Variants in KIF27 observed in about 807,000 individuals in gnomAD.
The protein encoded by KIF27 is kinesin family member 27, also known as kinesin-like protein KIF27.
Under a neutral mutation model 141.8 loss-of-function variants are expected in KIF27, and 84 were observed. The ratio of observed to expected loss-of-function variants is 0.59; its 90% confidence interval spans 0.50 to 0.71. The LOEUF (loss-of-function observed/expected upper bound fraction) is 0.71. KIF27 is among the 30% of genes least tolerant of loss of function. KIF27 has a pLI of 0.00. For synonymous variants in KIF27, 471 were observed against 569.5 expected, an observed-to-expected ratio of 0.83 and a Z score of 2.46; for missense variants, 1,306 against 1,628.4, an observed-to-expected ratio of 0.80 and a Z score of 3.41.
intron 5 of KIF27, among the ~76,000 whole-genome samples, chr9:83,897,652 C>T (rs368970515): frequency 2.6e-5 from 4 of 151,958 alleles, no homozygotes; most frequent in Admixed American, 6.6e-5. Context: ...ATCAAAGATA[C>T]CACTGAGAGT....
At chr9:83,857,774 C>T (rs566580541) in intron 14 of KIF27, among the ~76,000 whole-genome samples, 23 of 152,104 alleles carry the variant, frequency 1.5e-4, no homozygotes, top group Non-Finnish European at 2.8e-4. Context: ...TTCTGATCTA[C>T]TGAGGCTGCC....
intron 1 of KIF27, among the ~76,000 whole-genome samples, chr9:83,919,476 G>C (rs918872919): frequency 2.0e-5 from 3 of 152,150 alleles, no homozygotes; most frequent in Non-Finnish European, 4.4e-5. Flanking sequence ...GGTGAGGTTA[G>C]GTTCTTTGGA....
intron 11 of KIF27, among the ~76,000 whole-genome samples, chr9:83,872,341 G>A (rs955573789): frequency 5.3e-5 from 8 of 151,930 alleles, no homozygotes; most frequent in Non-Finnish European, 1.2e-4. Flanking sequence ...AACAAAAGGC[G>A]CAATGTTCAT....
intron 13 of KIF27, among the ~76,000 whole-genome samples, chr9:83,865,182 C>T (rs1425116122): frequency 6.6e-6 from 1 of 152,126 alleles, no homozygotes; most frequent in Non-Finnish European, 1.5e-5. Flanking sequence ...TTCTGGAATT[C>T]CCATTACTTG....
chr9:83,848,882 C>G (rs1347317045), intron 16 of KIF27: 1 of 151,976 alleles, frequency 6.6e-6, no homozygotes, highest in South Asian at 2.1e-4. Context: ...GGTGTGACCA[C>G]AGCCACTGCA....
At chr9:83,869,315 C>G (rs1950590332) in intron 12 of KIF27, among the ~76,000 whole-genome samples, 2 of 151,910 alleles carry the variant, frequency 1.3e-5, no homozygotes, top group African/African-American at 2.4e-5. Flanking sequence ...TTTCTTTGAA[C>G]TTCAAAATTA....
Position 83,853,789 on chromosome 9 carries a change from T to C in KIF27, c.3197A>G (p.Glu1066Gly), listed in dbSNP as rs1948874034. 6.2e-7 allele frequency: 1 copy of C among 1,613,536 alleles called. No homozygotes were observed. The highest frequency in any genetic ancestry group is 1.3e-5 in the African/African-American group (1 of 74,900). ...FQLEEGIEAL[E>G]AAIEYRNESI... is the part of the protein sequence containing the mutation. ...TTCATTCCTGTATTCAATTGCAGCT[T>C]CCAAAGCTTCAATCCCTTCTTCAAG... is the stretch of plus-strand genomic sequence containing the variant. The change falls in exon 15 of 18, where the codon GAA (glutamate) becomes GGA (glycine). Residue 1066 changes from glutamate (E) to glycine (G), a missense_variant. This residue lies in a region of KIF27 where 596 missense variants were observed against 751.6 expected (regional missense o/e 0.79). Transcript: ENST00000297814.
At chr9:83,879,746 A>G (rs1191960252) in intron 11 of KIF27, among the ~76,000 whole-genome samples, 12 of 152,198 alleles carry the variant, frequency 7.9e-5, no homozygotes, top group Admixed American at 7.9e-4. Context: ...TAAATCTCTC[A>G]GCCAGCAACT....
Position 83,853,752 on chromosome 9 carries a change from A to G in KIF27, c.3234T>C (p.Asn1078=). 6.2e-7 allele frequency: 1 copy of G among 1,613,822 alleles called. No homozygotes were observed. Among genetic ancestry groups the G allele is most frequent in the Non-Finnish European group, 8.5e-7 (1 of 1,179,742 alleles). Residue 1078 remains asparagine (N), a synonymous_variant, in exon 15 of 18, where the codon AAT becomes AAC. Transcript: ENST00000297814. ...AIEYRNESIQ[N]RQKSLRASFH... Reference sequence around the variant, plus strand: ...ATGATGCTCTAAGTGACTTCTGGCGATTCTGGATACTTTCATTCCTGTATT... The same window carrying G: ...ATGATGCTCTAAGTGACTTCTGGCGGTTCTGGATACTTTCATTCCTGTATT...
chr9:83,877,692 C>T (rs1316191726), intron 11 of KIF27, among the ~76,000 whole-genome samples: 3 of 151,874 alleles, frequency 2.0e-5, no homozygotes, highest in Non-Finnish European at 4.4e-5. Context: ...TTTTGCATAT[C>T]AAAGGATATT....
chr9:83,915,389 A>C lies in KIF27; in HGVS notation c.203T>G (p.Leu68Arg), dbSNP rs1955586687. The change falls in exon 2 of 18, where the codon CTA (leucine) becomes CGA (arginine). Residue 68 changes from leucine (L) to arginine (R), a missense_variant. Around this residue, in one of 4 missense-constraint regions of KIF27, gnomAD observed 533 missense variants for 565.6 expected, o/e 0.94. Coordinates refer to ENST00000297814, the MANE Select transcript of KIF27 (RefSeq NM_017576.4). ...DEVYNTCIKP[L>R]VLSLIEGYNA... The stretch of plus-strand genomic sequence containing the variant: ...ATAGCCCTCAATGAGTGACAACACT[A>C]GGGGCTTTATACATGTGTTATAAAC... 6.2e-7 allele frequency: 1 copy of C among 1,613,720 alleles called. No individual in the cohort carries two copies. Among genetic ancestry groups the C allele is most frequent in the Admixed American group, 1.7e-5 (1 of 59,990 alleles).
chr9:83,869,431 T>C (rs1950597726), intron 12 of KIF27, among the ~76,000 whole-genome samples: 1 of 152,166 alleles, frequency 6.6e-6, no homozygotes, highest in African/African-American at 2.4e-5. Flanking sequence ...AGAGTTCTGA[T>C]TTTTAGAAAT....
chr9:83,895,466 A>G (rs1023617123), intron 5 of KIF27, among the ~76,000 whole-genome samples: 1 of 152,190 alleles, frequency 6.6e-6, no homozygotes, highest in African/African-American at 2.4e-5. Context: ...TGAAATTTTG[A>G]AAGCTTTTCC....
intron 5 of KIF27, among the ~76,000 whole-genome samples, chr9:83,897,620 T>C (rs950287179): frequency 2.0e-5 from 3 of 152,100 alleles, no homozygotes; most frequent in East Asian, 3.8e-4. Context: ...ATTGATGAAT[T>C]TGATTACAAT....
At chr9:83,910,836 G>A (rs961172880) in intron 2 of KIF27, among the ~76,000 whole-genome samples, 3 of 152,088 alleles carry the variant, frequency 2.0e-5, no homozygotes, top group African/African-American at 7.2e-5. Context: ...GCGTAGGAGG[G>A]ACTCAAACAG....
intron 6 of KIF27, among the ~76,000 whole-genome samples, chr9:83,890,144 A>G (rs1028873327): frequency 1.3e-5 from 2 of 152,246 alleles, no homozygotes; most frequent in Non-Finnish European, 2.9e-5. Context: ...CACAGTGTTT[A>G]GGATTTAATC....
At chr9:83,908,354 T>C (rs1228103187) in intron 3 of KIF27, 98 bp downstream of exon 3, 2 of 634,552 alleles carry the variant, frequency 3.2e-6, no homozygotes, top group African/African-American at 3.7e-5. Flanking sequence ...TCTGCATCTG[T>C]TTTTAAAGAT....
chr9:83,849,656 T>C (rs576013965), intron 16 of KIF27: 1 of 159,450 alleles, frequency 6.3e-6, no homozygotes, highest in African/African-American at 2.4e-5. Context: ...TAAAATTTTA[T>C]AATCAACTGA....
chr9:83,916,942 C>A (rs934247779), intron 1 of KIF27, among the ~76,000 whole-genome samples: 3 of 151,956 alleles, frequency 2.0e-5, no homozygotes, highest in Non-Finnish European at 2.9e-5. Context: ...GGATTACAGG[C>A]GTGAGCCACC....
Sources: gnomAD v4.1 joint callset for allele counts (sites outside exome capture counted in the v4.1 genomes callset) on GRCh38, gnomAD v4.1.1 for gene constraint, gnomAD v4.1.1 regional missense constraint, MANE v1.5 for transcripts, NCBI Gene and HGNC (gene_info 2026-07-23, HGNC 2026-07-21) for gene names.